Variants in MDFIC observed in about 807,000 individuals in gnomAD.
MDFIC encodes the protein myoD family inhibitor domain-containing protein.
Under a neutral mutation model 23.2 loss-of-function variants are expected in MDFIC, and 17 were observed. That is an observed-to-expected ratio of 0.73 (90% CI 0.50 to 1.10). The LOEUF (loss-of-function observed/expected upper bound fraction) is 1.10, where lower values mean the gene tolerates loss of function less well. MDFIC is among the 50% of genes least tolerant of loss of function. The probability of loss-of-function intolerance (pLI) is 0.00; values close to 1 mark genes in which losing one functional copy is unlikely to be tolerated. For missense variants in MDFIC, 356 were observed against 316.6 expected (o/e 1.12, Z -0.95); for synonymous variants, 120 against 115.2 (o/e 1.04, Z -0.27).
At chr7:114,926,852 A>G (rs1259896315) in intron 2 of MDFIC, among the ~76,000 whole-genome samples, 2 of 152,146 alleles carry the variant, frequency 1.3e-5, no homozygotes, top group East Asian at 3.8e-4. Context: ...ACATATCTGT[A>G]TTCTTCTATT....
intron 4 of MDFIC, among the ~76,000 whole-genome samples, chr7:115,012,517 A>G (rs1218467159): frequency 6.6e-6 from 1 of 152,234 alleles, no homozygotes. Context: ...CAAATTTGGC[A>G]TTATCTAATA....
At position 115,015,755 on chromosome 7, in the gene MDFIC, G is replaced by A. The variant is rs1291572484; in HGVS notation, c.561G>A (p.Leu187=). 6.2e-7 allele frequency: 1 copy of A among 1,614,156 alleles called. No homozygotes were observed. The highest frequency in any genetic ancestry group is 1.3e-5 in the African/African-American group (1 of 75,024). The change falls in exon 5 of 5, where the codon CTG becomes CTA. Residue 187 remains leucine, a synonymous_variant. Coordinates refer to ENST00000393486, the MANE Select transcript of MDFIC (RefSeq NM_001166345.3). Reference sequence around the variant, plus strand: ...TCCTGACCCTTTGCAACATTGTCCTGGGACAAGCGTCATGTGGCATCTGCA... The same window carrying A: ...TCCTGACCCTTTGCAACATTGTCCTAGGACAAGCGTCATGTGGCATCTGCA... ...CEFLTLCNIV[L]GQASCGICTS...
chr7:115,005,853 G>A (rs1239775069), intron 4 of MDFIC, among the ~76,000 whole-genome samples: 3 of 152,160 alleles, frequency 2.0e-5, no homozygotes, highest in African/African-American at 7.2e-5. Context: ...GGTGGAGAGG[G>A]AGGAATGTGG....
At chr7:114,932,294 A>T (rs763660649) in intron 2 of MDFIC, among the ~76,000 whole-genome samples, 2 of 152,204 alleles carry the variant, frequency 1.3e-5, no homozygotes, top group African/African-American at 2.4e-5. Context: ...GGGTAAAGAG[A>T]CTGAGGCACT....
intron 2 of MDFIC, among the ~76,000 whole-genome samples, chr7:114,929,084 G>GATCTATCTATCTATCTATCTATCTATCT (rs11273513): frequency 0.3 from 44,816 of 147,734 alleles, 7,007 homozygotes; most frequent in Non-Finnish European, 0.32. Flanking sequence ...GATAAATATA[G>GATCTATCTATCTATCTATCTATCTATCT]ATCTATCTAT....
chr7:115,008,298 GTT>G, intron 4 of MDFIC, among the ~76,000 whole-genome samples: 1 of 142,794 alleles, frequency 7.0e-6, no homozygotes, highest in African/African-American at 2.5e-5. Context: ...GGGCAGTGCT[GTT>G]TTTTTTTTTT....
chr7:115,002,637 G>A (rs1173389941), intron 4 of MDFIC, among the ~76,000 whole-genome samples: 8 of 152,166 alleles, frequency 5.3e-5, no homozygotes, highest in African/African-American at 1.7e-4. Context: ...GGAAGAAGAG[G>A]CCATCCAGCT....
intron 4 of MDFIC, among the ~76,000 whole-genome samples, chr7:114,994,846 G>C (rs963926696): frequency 6.6e-6 from 1 of 152,094 alleles, no homozygotes; most frequent in African/African-American, 2.4e-5. Flanking sequence ...TCTTCTTGAG[G>C]AGTATCTTTG....
chr7:115,006,748 A>G (rs1417357282), intron 4 of MDFIC, among the ~76,000 whole-genome samples: 2 of 152,198 alleles, frequency 1.3e-5, no homozygotes, highest in Admixed American at 1.3e-4. Flanking sequence ...CATAAATGGT[A>G]TTGTTACCAA....
chr7:114,941,042 T>C (rs1792526799), intron 2 of MDFIC, among the ~76,000 whole-genome samples: 2 of 152,216 alleles, frequency 1.3e-5, no homozygotes, highest in African/African-American at 4.8e-5. Flanking sequence ...ATTGGAATCA[T>C]CTGAGTTCAG....
chr7:114,928,445 A>T (rs1212012449), intron 2 of MDFIC, among the ~76,000 whole-genome samples: 1 of 152,170 alleles, frequency 6.6e-6, no homozygotes, highest in Non-Finnish European at 1.5e-5. Flanking sequence ...CTAGTAGGGG[A>T]TTTGGAAAAG....
At chr7:114,930,477 T>C (rs1401079312) in intron 2 of MDFIC, among the ~76,000 whole-genome samples, 2 of 152,202 alleles carry the variant, frequency 1.3e-5, no homozygotes, top group East Asian at 3.9e-4. Context: ...CTTTGTTTGG[T>C]CAGTTCACAT....
intron 2 of MDFIC, among the ~76,000 whole-genome samples, chr7:114,938,095 T>G (rs1197712997): frequency 6.6e-6 from 1 of 152,150 alleles, no homozygotes; most frequent in African/African-American, 2.4e-5. Context: ...TGGCTGAGAT[T>G]GCAGGAATGT....
At chr7:114,928,819 A>G (rs1170204697) in intron 2 of MDFIC, among the ~76,000 whole-genome samples, 1 of 152,218 alleles carries the variant, frequency 6.6e-6, no homozygotes, top group Non-Finnish European at 1.5e-5. Context: ...GGCAGTGATT[A>G]TAATAGGCTG....
Position 114,964,854 on chromosome 7 carries a change from A to T in MDFIC, c.218-14652A>T, listed in dbSNP as rs148208247. Reference sequence around the variant, plus strand: ...GTTAGCCACCATGCCGGGCCCCTTGACGTCATTTTTCTATGTGGTCACTGT... The same window carrying T: ...GTTAGCCACCATGCCGGGCCCCTTGTCGTCATTTTTCTATGTGGTCACTGT... On this transcript the variant is annotated intron_variant, in intron 3 of 4. Transcript: ENST00000393486. 5.9e-5 allele frequency among the ~76,000 whole-genome samples: 9 copies of T among 152,208 alleles called. No homozygotes were observed. In the East Asian group the frequency reaches 1.7e-3, roughly 29 times the overall value.
chr7:114,996,086 G>A (rs1432357869), intron 4 of MDFIC, among the ~76,000 whole-genome samples: 1 of 152,178 alleles, frequency 6.6e-6, no homozygotes, highest in African/African-American at 2.4e-5. Context: ...TTTTGATTTT[G>A]AGGTAGGAAA....
At position 114,982,397 on chromosome 7, in the gene MDFIC, C is replaced by G. The variant is rs140077786; in HGVS notation, c.493+2616C>G. 2.7e-3 allele frequency among the ~76,000 whole-genome samples: 404 copies of G among 152,116 alleles called. 2 individuals carry two copies. The highest frequency in any genetic ancestry group is 4.4e-3 in the Non-Finnish European group (302 of 67,996). ...TATTTGTGCTGCTATAACAAAATACCTGAGACTAAAGTTTGGTCAGGTTGG... is the reference window on the plus strand; with the variant it reads ...TATTTGTGCTGCTATAACAAAATACGTGAGACTAAAGTTTGGTCAGGTTGG... On this transcript the variant is annotated intron_variant, in intron 4 of 4. Transcript: ENST00000393486.
Position 114,923,351 on chromosome 7 carries a change from C to A in MDFIC, c.94+224C>A, listed in dbSNP as rs1792129565. The A allele has an allele frequency of 3.9e-6, 5 of 1,272,382 alleles. No homozygotes were observed. The East Asian group carries it at 1.3e-4, about 32-fold the overall frequency. The allele number at this position is 1,272,382 out of a possible 1,614,324, so 78.8% of individuals were successfully genotyped here. On this transcript the variant is annotated intron_variant, in intron 2 of 4. Transcript: ENST00000393486. ...GGAACCGTTGGTCCCTCCACTCCCCCTTCCTTTGGTTGCGAAGAAACAGGA... is the reference window on the plus strand; with the variant it reads ...GGAACCGTTGGTCCCTCCACTCCCCATTCCTTTGGTTGCGAAGAAACAGGA...
chr7:114,968,610 C>T (rs1328450568), intron 3 of MDFIC, among the ~76,000 whole-genome samples: 2 of 152,224 alleles, frequency 1.3e-5, no homozygotes, highest in East Asian at 1.9e-4. Flanking sequence ...TAAGTTAATT[C>T]TTAGAACTTT....
Sources: allele counts gnomAD v4.1 joint callset (sites outside exome capture counted in the v4.1 genomes callset), GRCh38; gene constraint gnomAD v4.1.1; transcripts MANE v1.5; gene names NCBI Gene and HGNC (gene_info 2026-07-23, HGNC 2026-07-21).